The following UFSP2 variants were observed in gnomAD, a reference collection of about 807,000 sequenced individuals.
The protein encoded by UFSP2 is ufm1-specific protease 2.
Under a neutral mutation model 60.2 loss-of-function variants are expected in UFSP2, and 43 were observed. That is an observed-to-expected ratio of 0.71 (90% CI 0.56 to 0.92). The LOEUF (loss-of-function observed/expected upper bound fraction) is 0.92, where lower values mean the gene tolerates loss of function less well. Ranked by LOEUF, UFSP2 falls within the 40% of genes least tolerant of loss-of-function variation. UFSP2 has a pLI of 0.00. For synonymous variants in UFSP2, 183 were observed against 195.1 expected (o/e 0.94, Z 0.52); for missense variants, 520 against 575.0 (o/e 0.90, Z 0.98).
At chr4:185,413,156 C>T (rs140398451) in intron 7 of UFSP2, among the ~76,000 whole-genome samples, 4 of 151,826 alleles carry the variant, frequency 2.6e-5, no homozygotes, top group African/African-American at 7.2e-5. Context: ...AATACAAAAA[C>T]TAGCCAGGTG....
At chr4:185,405,355 T>G (rs1474541381) in intron 10 of UFSP2, among the ~76,000 whole-genome samples, 1 of 152,162 alleles carries the variant, frequency 6.6e-6, no homozygotes, top group East Asian at 1.9e-4. Flanking sequence ...ACAGGACAGG[T>G]CTTGTTCTTC....
Position 185,425,936 on chromosome 4 carries a change from G to A in UFSP2, c.-68C>T. 2 of 1,556,334 alleles carry A rather than the reference G, an allele frequency of 1.3e-6. No individual in the cohort carries two copies. Among genetic ancestry groups the A allele is most frequent in the South Asian group, 1.2e-5 (1 of 84,846 alleles). ...AAGTTCCGGGGGCCGGCCCTGAAGT[G>A]GTGTCACCGCACGGCCCAGGGGCGG... On this transcript the variant is annotated 5_prime_UTR_variant, in exon 1 of 12. Transcript: ENST00000264689.
chr4:185,423,228 C>T (rs2095552729), intron 1 of UFSP2, among the ~76,000 whole-genome samples: 1 of 152,202 alleles, frequency 6.6e-6, no homozygotes. Context: ...TTGAGAACTA[C>T]TGCTTTAAGA....
At chr4:185,410,134 A>C (rs2095526683) in intron 7 of UFSP2, among the ~76,000 whole-genome samples, 1 of 152,214 alleles carries the variant, frequency 6.6e-6, no homozygotes, top group Non-Finnish European at 1.5e-5. Context: ...AAGAGTCAGA[A>C]ACCAGTTAAA....
At position 185,420,299 on chromosome 4, in the gene UFSP2, T is replaced by A. The variant is rs146944359; in HGVS notation, c.83-1529A>T. 4.0e-3 allele frequency among the ~76,000 whole-genome samples: 615 copies of A among 152,310 alleles called. 2 individuals are homozygous for A. The highest frequency in any genetic ancestry group is 0.013 in the African/African-American group (560 of 41,576). On this transcript the variant is annotated intron_variant, in intron 2 of 11. Transcript: ENST00000264689. ...AAATATGTTTGAATATTCAAAAAAT[T>A]AGAGTATTTTAATATTTTTGAATAT... is the stretch of plus-strand genomic sequence containing the variant.
intron 1 of UFSP2, 90 bp downstream of exon 1, chr4:185,425,776 A>T: frequency 1.3e-6 from 2 of 1,547,692 alleles, no homozygotes; most frequent in Admixed American, 3.9e-5. Context: ...CGGCAGGACC[A>T]GCTCCTTTCA....
At chr4:185,416,590 TA>T (rs773974738) in intron 4 of UFSP2, among the ~76,000 whole-genome samples, 3 of 151,764 alleles carry the variant, frequency 2.0e-5, no homozygotes, top group Admixed American at 6.6e-5. Flanking sequence ...TTTACACAGA[TA>T]AAAATGAACG....
intron 1 of UFSP2, among the ~76,000 whole-genome samples, chr4:185,423,786 AT>A (rs1418295744): frequency 3.3e-5 from 5 of 152,134 alleles, no homozygotes; most frequent in Non-Finnish European, 7.4e-5. Context: ...ACAGATACAC[AT>A]ATTCATACAT....
chr4:185,422,498 T>C lies in UFSP2; in HGVS notation c.69A>G (p.Leu23=), dbSNP rs2095551248. The part of the protein sequence containing the change: ...IRGGLDLAFQ[L]ATPNEIFLKK... The stretch of plus-strand genomic sequence containing the variant: ...CAGAAGACCTACCATTAGGAGTAGC[T>C]AGCTGAAAAGCCAAATCAAGGCCTC... Residue 23 remains leucine (L), a synonymous_variant, in exon 2 of 12, where the codon CTA becomes CTG. Transcript: ENST00000264689. 6.2e-7 allele frequency: 1 copy of C among 1,611,356 alleles called. No individual in the cohort carries two copies. The highest frequency in any genetic ancestry group is 2.2e-5 in the East Asian group (1 of 44,810).
At chr4:185,402,038 C>T (rs977676691) in intron 11 of UFSP2, among the ~76,000 whole-genome samples, 3 of 152,302 alleles carry the variant, frequency 2.0e-5, no homozygotes, top group South Asian at 2.1e-4. Flanking sequence ...ACCTGCAGTG[C>T]GGCTTTCACT....
At chr4:185,419,739 G>C (rs1159890156) in intron 2 of UFSP2, among the ~76,000 whole-genome samples, 1 of 152,220 alleles carries the variant, frequency 6.6e-6, no homozygotes, top group Non-Finnish European at 1.5e-5. Context: ...ATTGTAGCAT[G>C]AATCAGTACT....
intron 1 of UFSP2, among the ~76,000 whole-genome samples, chr4:185,423,634 A>G (rs2095553440): frequency 6.6e-6 from 1 of 152,250 alleles, no homozygotes; most frequent in South Asian, 2.1e-4. Context: ...GCACAGGACA[A>G]TGCTTACAAC....
chr4:185,401,600 G>A (rs1480333173), intron 11 of UFSP2, among the ~76,000 whole-genome samples: 1 of 152,190 alleles, frequency 6.6e-6, no homozygotes, highest in Non-Finnish European at 1.5e-5. Context: ...AGAAGGCAAA[G>A]AGGTCAGGCA....
chr4:185,403,711 T>A, intron 10 of UFSP2, 93 bp from the exon 11 acceptor site: 2 of 1,483,718 alleles, frequency 1.3e-6, no homozygotes, highest in Non-Finnish European at 1.8e-6. Flanking sequence ...CCGGGCGTGG[T>A]GGCTCACACC....
At position 185,415,035 on chromosome 4, in the gene UFSP2, A is replaced by G. The variant is rs1286356246; in HGVS notation, c.684+120T>C. 3 of 854,546 alleles carry G rather than the reference A, an allele frequency of 3.5e-6. No homozygotes were observed. The African/African-American group carries it at 5.4e-5, about 15-fold the overall frequency. The allele number at this position is 854,546 out of a possible 1,614,324, so 52.9% of individuals were successfully genotyped here. On this transcript the variant is annotated intron_variant, in intron 6 of 11. Coordinates refer to ENST00000264689, the MANE Select transcript of UFSP2 (RefSeq NM_018359.5). ...AAATAATGTGTAAAATGAATAGTCT[A>G]AATTCCACACTTTTAAGTTAAATCA...
chr4:185,416,606 A>ATG (rs1194883603), intron 4 of UFSP2, among the ~76,000 whole-genome samples: 2 of 151,844 alleles, frequency 1.3e-5, no homozygotes, highest in Non-Finnish European at 2.9e-5. Context: ...TGAACGTGTT[A>ATG]TGTGTGTGTG....
At chr4:185,415,004 G>GA in intron 6 of UFSP2, 151 bp downstream of exon 6, 1 of 640,566 alleles carries the variant, frequency 1.6e-6, no homozygotes, top group Non-Finnish European at 2.5e-6. Flanking sequence ...CATGAGAACA[G>GA]AAATTAAATA....
Position 185,413,807 on chromosome 4 carries a change from G to A in UFSP2, c.750C>T (p.His250=). Residue 250 remains histidine, a synonymous_variant, in exon 7 of 12, where the codon CAC becomes CAT. Coordinates refer to ENST00000264689, the MANE Select transcript of UFSP2 (RefSeq NM_018359.5). ...RPYFKRSNAY[H]FPDEPYKDGY... is the part of the protein sequence containing the mutation. Reference sequence around the variant, plus strand: ...CATCTTTGTATGGCTCATCTGGAAAGTGATAAGCATTAGACCTTTTGAAAT... The same window carrying A: ...CATCTTTGTATGGCTCATCTGGAAAATGATAAGCATTAGACCTTTTGAAAT... The A allele has an allele frequency of 6.2e-7, 1 of 1,613,390 alleles. No homozygotes were observed. Among genetic ancestry groups the A allele is most frequent in the Non-Finnish European group, 8.5e-7 (1 of 1,179,524 alleles).
At chr4:185,423,110 C>T (rs971079898) in intron 1 of UFSP2, among the ~76,000 whole-genome samples, 3 of 152,176 alleles carry the variant, frequency 2.0e-5, no homozygotes, top group Non-Finnish European at 4.4e-5. Context: ...CCGCCTGTCT[C>T]GGCCTCCCAA....
Sources: gnomAD v4.1 joint callset for allele counts (sites outside exome capture counted in the v4.1 genomes callset) on GRCh38, gnomAD v4.1.1 for gene constraint, MANE v1.5 for transcripts, NCBI Gene and HGNC (gene_info 2026-07-23, HGNC 2026-07-21) for gene names.